Variants in PABPC1L observed in about 807,000 individuals in gnomAD.
PABPC1L encodes the protein polyadenylate-binding protein 1-like.
Under a neutral mutation model 66.6 loss-of-function variants are expected in PABPC1L, and 31 were observed. The observed-to-expected ratio is 0.47, with a 90% confidence interval of 0.35 to 0.63. PABPC1L has a LOEUF of 0.63. Ranked by LOEUF, PABPC1L falls within the 20% of genes least tolerant of loss-of-function variation. The pLI, the probability that PABPC1L is intolerant of heterozygous loss-of-function variation, is 0.00. For missense variants in PABPC1L, 722 were observed against 848.8 expected, an observed-to-expected ratio of 0.85 and a Z score of 1.86; for synonymous variants, 348 against 335.1, an observed-to-expected ratio of 1.04 and a Z score of -0.42.
chr20:44,937,890 A>C, intron 12 of PABPC1L, 171 bp from the exon 13 acceptor site: 1 of 869,372 alleles, frequency 1.2e-6, no homozygotes. Context: ...TACCAGGCCC[A>C]GTCATTAAAA....
intron 8 of PABPC1L, 26 bp downstream of exon 8, chr20:44,930,752 C>A (rs368672436): frequency 1.6e-5 from 26 of 1,603,882 alleles, no homozygotes; most frequent in Admixed American, 5.0e-5. Flanking sequence ...CAACTCCCAC[C>A]GCAGCCTTCC....
intron 8 of PABPC1L, among the ~76,000 whole-genome samples, chr20:44,931,053 C>CCTTCCCTT (rs1568650061): frequency 4.3e-5 from 1 of 23,082 alleles, no homozygotes; most frequent in African/African-American, 1.4e-4. Context: ...CCCTTCCCTT[C>CCTTCCCTT]CCTTCCCTTC....
intron 13 of PABPC1L, 78 bp downstream of exon 13, chr20:44,938,269 A>G: frequency 1.3e-6 from 2 of 1,525,068 alleles, no homozygotes; most frequent in Non-Finnish European, 1.8e-6. Context: ...TAGTGGAGCC[A>G]GTGGATAGCT....
rs1182320624 is a variant in PABPC1L at position 44,932,424 on chromosome 20, G to C, written c.1322G>C (p.Arg441Thr). ...PAPRWTSQPP[R>T]PSSAYPPGAS... is the part of the protein sequence containing the mutation. ...CCCAGGTGGACATCCCAGCCACCTA[G>C]ACCTTCCTGTGAGTGACCCAGCCCC... The change falls in exon 9 of 15, where the codon AGA (arginine) becomes ACA (threonine). Residue 441 changes from arginine (R) to threonine (T), a missense_variant. Transcript: ENST00000217073. 1 of 1,613,180 alleles carries C rather than the reference G, an allele frequency of 6.2e-7. No individual in the cohort carries two copies. The highest frequency in any genetic ancestry group is 1.7e-5 in the Admixed American group (1 of 59,944).
At position 44,924,236 on chromosome 20, in the gene PABPC1L, GGA is replaced by G; in HGVS notation, c.954_955del (p.Val319AsnfsTer122). ...ACTGAGGAAAGAGTTCTCTCCCTAT[GGA>G]GTAATTACCAGTGCGAAGGTGAGGA... ...DKLRKEFSPY[G>X]VITSAKVMTE... On this transcript the variant is annotated frameshift_variant, in exon 7 of 15. Coordinates refer to ENST00000217073, the MANE Select transcript of PABPC1L (RefSeq NM_001372179.1). LOFTEE classifies it high-confidence loss of function. The G allele has an allele frequency of 6.2e-7, 1 of 1,613,796 alleles. No individual in the cohort carries two copies. Among genetic ancestry groups the G allele is most frequent in the Non-Finnish European group, 8.5e-7 (1 of 1,179,692 alleles).
At chr20:44,912,919 ACAAG>A in intron 2 of PABPC1L, 66 bp downstream of exon 2, 1 of 1,422,734 alleles carries the variant, frequency 7.0e-7, no homozygotes, top group Non-Finnish European at 9.7e-7. Context: ...TAGAGGGGTG[ACAAG>A]CAACACCTCA....
chr20:44,936,861 G>T lies in PABPC1L; in HGVS notation c.1660+131G>T, dbSNP rs758390479. 4 of 932,542 alleles carry T rather than the reference G, an allele frequency of 4.3e-6. No individual in the cohort carries two copies. The East Asian group carries it at 7.9e-5, about 19-fold the overall frequency. 57.8% of individuals were successfully genotyped at this position (932,542 alleles called of 1,614,324 possible). A position where few individuals can be genotyped will look rare whatever the true frequency, so the allele number is the denominator to read the frequency against. On this transcript the variant is annotated intron_variant, in intron 12 of 14. Coordinates refer to ENST00000217073, the MANE Select transcript of PABPC1L (RefSeq NM_001372179.1). ...AGCTTTGTCACCGACCCCCCTACTG[G>T]GTGACCGTGGCCAAGCTGGCTCTAT...
Position 44,912,585 on chromosome 20 carries a change from C to A in PABPC1L, c.194-75C>A, listed in dbSNP as rs910295047. 1.2e-5 allele frequency: 16 copies of A among 1,291,032 alleles called. 1 individual carries two copies. In the South Asian group the frequency reaches 1.4e-4, roughly 12 times the overall value. The allele number at this position is 1,291,032 out of a possible 1,614,324, so 80.0% of individuals were successfully genotyped here. On this transcript the variant is annotated intron_variant, in intron 1 of 14. Coordinates refer to ENST00000217073, the MANE Select transcript of PABPC1L (RefSeq NM_001372179.1). Reference sequence around the variant, plus strand: ...TTCTCTTTATTGGCTCCCAGTTAAGCACCTCGAGGGGTGGGTGATCAAGGT... The same window carrying A: ...TTCTCTTTATTGGCTCCCAGTTAAGAACCTCGAGGGGTGGGTGATCAAGGT...
At chr20:44,932,086 C>T (rs2066864331) in intron 8 of PABPC1L, 3 of 331,142 alleles carry the variant, frequency 9.1e-6, no homozygotes, top group Admixed American at 4.8e-5. Flanking sequence ...AGTAAGATGT[C>T]ACCCTTTTTA....
intron 8 of PABPC1L, among the ~76,000 whole-genome samples, chr20:44,931,070 TCCC>T (rs1260139748): frequency 3.0e-5 from 1 of 33,462 alleles, no homozygotes; most frequent in Non-Finnish European, 5.8e-5. Flanking sequence ...CTTCCCTCCC[TCCC>T]TCCCTCCCTC....
rs3827098 is a variant in PABPC1L at position 44,921,605 on chromosome 20, T to C, written c.750T>C (p.His250=). The change falls in exon 6 of 15, where the codon CAT becomes CAC. Residue 250 remains histidine, a synonymous_variant. Coordinates refer to ENST00000217073, the MANE Select transcript of PABPC1L (RefSeq NM_001372179.1). ...CCTCCTTTCCCCAGGCCGTGGTCCATATGAACGGGAAGGAGGTGAGCGGGC... is the reference window on the plus strand; with the variant it reads ...CCTCCTTTCCCCAGGCCGTGGTCCACATGAACGGGAAGGAGGTGAGCGGGC... ...KHEEAQKAVV[H]MNGKEVSGRL... The C allele has an allele frequency of 1.5e-3, 2,406 of 1,614,020 alleles. 65 individuals are homozygous for C. In the East Asian group the frequency reaches 0.049, roughly 33 times the overall value.
At chr20:44,920,876 G>C (rs1389989764) in intron 5 of PABPC1L, among the ~76,000 whole-genome samples, 1 of 152,004 alleles carries the variant, frequency 6.6e-6, no homozygotes, top group East Asian at 1.9e-4. Context: ...GCAGTGGCGT[G>C]ATCTCAGCTC....
intron 3 of PABPC1L, among the ~76,000 whole-genome samples, chr20:44,917,121 ACTGGC>A (rs1435213574): frequency 6.6e-6 from 1 of 152,172 alleles, no homozygotes; most frequent in Non-Finnish European, 1.5e-5. Flanking sequence ...CTCTAGAGGG[ACTGGC>A]TAATGGTCAT....
At chr20:44,911,147 TAAATAAA>T (rs2066701795) in intron 1 of PABPC1L, among the ~76,000 whole-genome samples, 1 of 55,104 alleles carries the variant, frequency 1.8e-5, no homozygotes, top group Non-Finnish European at 3.5e-5. Flanking sequence ...AATAAATAAA[TAAATAAA>T]TAAATAAATA....
intron 12 of PABPC1L, among the ~76,000 whole-genome samples, chr20:44,937,458 C>T (rs573308360): frequency 5.3e-5 from 8 of 152,120 alleles, no homozygotes; most frequent in African/African-American, 1.4e-4. Flanking sequence ...TCTGCTGCCC[C>T]GGCTGGAGTG....
At chr20:44,931,420 T>G (rs2066858928) in intron 8 of PABPC1L, 1 of 151,578 alleles carries the variant, frequency 6.6e-6, no homozygotes. Context: ...CAAGCAATTC[T>G]CCTGCCTTGG....
chr20:44,919,410 G>A, intron 5 of PABPC1L, 133 bp downstream of exon 5: 1 of 943,144 alleles, frequency 1.1e-6, no homozygotes, highest in Non-Finnish European at 1.6e-6. Context: ...AGTCCTGTGT[G>A]CAGGCAAAGC....
intron 9 of PABPC1L, 48 bp from the exon 10 acceptor site, chr20:44,933,009 C>T: frequency 7.5e-7 from 1 of 1,333,930 alleles, no homozygotes; most frequent in Non-Finnish European, 1.0e-6. Flanking sequence ...CTGATTATTC[C>T]CACCACTCCA....
intron 14 of PABPC1L, 78 bp downstream of exon 14, chr20:44,938,826 A>T (rs1401931115): frequency 7.2e-7 from 1 of 1,391,564 alleles, no homozygotes; most frequent in Non-Finnish European, 1.0e-6. Context: ...TTTCACAAAC[A>T]CTGAGAATTG....
Sources: gnomAD v4.1 joint callset for allele counts (sites outside exome capture counted in the v4.1 genomes callset) on GRCh38, gnomAD v4.1.1 for gene constraint, MANE v1.5 for transcripts, NCBI Gene and HGNC (gene_info 2026-07-23, HGNC 2026-07-21) for gene names.